The following ZNF385B variants were observed in gnomAD, a reference collection of about 807,000 sequenced individuals.
ZNF385B encodes the protein zinc finger protein 533.
Under a neutral mutation model 39.2 loss-of-function variants are expected in ZNF385B, and 23 were observed. The observed-to-expected ratio is 0.59, with a 90% CI of 0.42 to 0.83. The LOEUF (loss-of-function observed/expected upper bound fraction) is 0.83. ZNF385B is among the 40% of genes least tolerant of loss of function. The pLI is 0.00. For missense variants in ZNF385B, 552 were observed against 598.9 expected, an observed-to-expected ratio of 0.92 and a Z score of 0.82; for synonymous variants, 205 against 222.6, an observed-to-expected ratio of 0.92 and a Z score of 0.70.
intron 1 of ZNF385B, among the ~76,000 whole-genome samples, chr2:179,830,742 T>C (rs912774849): frequency 2.6e-5 from 4 of 152,150 alleles, no homozygotes; most frequent in African/African-American, 9.7e-5. Context: ...CATGGGAATT[T>C]TGGGGCAGTG....
At chr2:179,524,879 G>A (rs2058786811) in intron 4 of ZNF385B, among the ~76,000 whole-genome samples, 1 of 151,830 alleles carries the variant, frequency 6.6e-6, no homozygotes, top group Non-Finnish European at 1.5e-5. Context: ...TTCTCCCAGG[G>A]GTATTTTCTT....
chr2:179,691,356 CA>C (rs1371524791), intron 3 of ZNF385B, among the ~76,000 whole-genome samples: 7 of 152,084 alleles, frequency 4.6e-5, no homozygotes, highest in Admixed American at 3.9e-4. Context: ...ATATGAGCCC[CA>C]GAGAATATTC....
rs1322562850 is a variant in ZNF385B, at chr2:179,844,127, T to C, written c.-155+16974A>G. Among the ~76,000 whole-genome samples, 9 of 152,328 alleles carry C rather than the reference T, an allele frequency of 5.9e-5. No individual in the cohort carries two copies. The East Asian group carries it at 9.7e-4, about 16-fold the overall frequency. On this transcript the variant is annotated intron_variant, in intron 1 of 9. Transcript: ENST00000410066. ...TCGTGATCCAAGTTGGTCTATTAGA[T>C]AGAACAGAAAATGCCTGCGTAACCT...
At chr2:179,511,808 T>G (rs2057708851) in intron 5 of ZNF385B, among the ~76,000 whole-genome samples, 1 of 152,070 alleles carries the variant, frequency 6.6e-6, no homozygotes, top group East Asian at 1.9e-4. Context: ...CATGAGAAAA[T>G]AGAGCACAGC....
rs140187495 is a variant in ZNF385B at position 179,560,051 on chromosome 2, G to A, written c.299-15082C>T. Reference sequence around the variant, plus strand: ...TTTTTTCTGGCTTATTTCATTTAACGTAATGTCTTCCAGTCTCATCCATGT... The same window carrying A: ...TTTTTTCTGGCTTATTTCATTTAACATAATGTCTTCCAGTCTCATCCATGT... On this transcript the variant is annotated intron_variant, in intron 3 of 9. Transcript: ENST00000410066. Among the ~76,000 whole-genome samples, 254 of 151,946 alleles carry A rather than the reference G, an allele frequency of 1.7e-3. 1 individual carries two copies. The highest frequency in any genetic ancestry group is 5.3e-3 in the African/African-American group (219 of 41,434).
At chr2:179,448,792 CT>C (rs1553550667) in intron 6 of ZNF385B, among the ~76,000 whole-genome samples, 1 of 152,026 alleles carries the variant, frequency 6.6e-6, no homozygotes, top group Non-Finnish European at 1.5e-5. Flanking sequence ...AAAAGGAGGA[CT>C]TAATATATCA....
intron 1 of ZNF385B, among the ~76,000 whole-genome samples, chr2:179,847,318 C>A (rs190309270): frequency 6.6e-6 from 1 of 152,172 alleles, no homozygotes; most frequent in Admixed American, 6.5e-5. Flanking sequence ...ATTCTACCAG[C>A]TTATTCTCAA....
chr2:179,659,299 A>G (rs932263186), intron 3 of ZNF385B, among the ~76,000 whole-genome samples: 8 of 152,216 alleles, frequency 5.3e-5, no homozygotes, highest in African/African-American at 9.6e-5. Flanking sequence ...TTGTTTTCCA[A>G]ATAAATAATC....
At chr2:179,529,393 T>C (rs1168807869) in intron 4 of ZNF385B, among the ~76,000 whole-genome samples, 1 of 152,208 alleles carries the variant, frequency 6.6e-6, no homozygotes, top group East Asian at 1.9e-4. Context: ...TCCATCAGGA[T>C]GCTAAGAAAG....
intron 6 of ZNF385B, among the ~76,000 whole-genome samples, chr2:179,477,186 C>G (rs2053525062): frequency 6.6e-6 from 1 of 152,114 alleles, no homozygotes; most frequent in South Asian, 2.1e-4. Flanking sequence ...CTATGAAGTA[C>G]ACAGGGGAAC....
At chr2:179,811,599 TGAA>T (rs1162507979) in intron 1 of ZNF385B, among the ~76,000 whole-genome samples, 2 of 152,140 alleles carry the variant, frequency 1.3e-5, no homozygotes, top group Non-Finnish European at 2.9e-5. Flanking sequence ...GCTAGCCATA[TGAA>T]GAAGAATAAA....
At chr2:179,487,620 A>G (rs1339551354) in intron 5 of ZNF385B, among the ~76,000 whole-genome samples, 1 of 152,224 alleles carries the variant, frequency 6.6e-6, no homozygotes, top group African/African-American at 2.4e-5. Flanking sequence ...AAGCCCATCA[A>G]CAATGGCTCT....
intron 3 of ZNF385B, among the ~76,000 whole-genome samples, chr2:179,580,726 TC>T (rs1417334667): frequency 1.3e-5 from 2 of 152,226 alleles, no homozygotes; most frequent in Non-Finnish European, 2.9e-5. Context: ...GAAGACTTGT[TC>T]TTGGACTTCT....
intron 3 of ZNF385B, among the ~76,000 whole-genome samples, chr2:179,731,564 T>A (rs1701391709): frequency 6.6e-6 from 1 of 152,196 alleles, no homozygotes; most frequent in South Asian, 2.1e-4. Flanking sequence ...GAGGAGCTCT[T>A]AATAACACCC....
intron 3 of ZNF385B, chr2:179,637,408 G>C (rs913166793): frequency 5.4e-5 from 8 of 149,480 alleles, no homozygotes; most frequent in Non-Finnish European, 8.9e-5. Flanking sequence ...AAAACTTCTA[G>C]TTAAGCTTTG....
intron 3 of ZNF385B, among the ~76,000 whole-genome samples, chr2:179,692,106 TTCTA>T (rs563016724): frequency 4.4e-4 from 67 of 152,238 alleles, no homozygotes; most frequent in Admixed American, 7.8e-4. Flanking sequence ...ATCTTATTCC[TTCTA>T]TCTAACTGTA....
intron 3 of ZNF385B, among the ~76,000 whole-genome samples, chr2:179,587,000 T>C (rs1687138702): frequency 6.6e-6 from 1 of 152,008 alleles, no homozygotes; most frequent in African/African-American, 2.4e-5. Flanking sequence ...GATCATGCCA[T>C]TGCACTCCAG....
At chr2:179,631,288 C>T (rs1691187699) in intron 3 of ZNF385B, among the ~76,000 whole-genome samples, 1 of 152,184 alleles carries the variant, frequency 6.6e-6, no homozygotes, top group African/African-American at 2.4e-5. Context: ...AAATTACCTA[C>T]AAAGAGAAGC....
intron 5 of ZNF385B, among the ~76,000 whole-genome samples, chr2:179,501,216 G>A (rs2056727257): frequency 6.6e-6 from 1 of 152,144 alleles, no homozygotes; most frequent in South Asian, 2.1e-4. Flanking sequence ...GCTACCACAT[G>A]ATCCAGCAAT....
Sources: gnomAD v4.1 joint callset for allele counts (sites outside exome capture counted in the v4.1 genomes callset) on GRCh38, gnomAD v4.1.1 for gene constraint, MANE v1.5 for transcripts, NCBI Gene and HGNC (gene_info 2026-07-23, HGNC 2026-07-21) for gene names.